The following KLHL14 variants were observed in gnomAD, a reference collection of about 807,000 sequenced individuals.
KLHL14 encodes kelch like family member 14.
Under a neutral mutation model 64.3 loss-of-function variants are expected in KLHL14, and 22 were observed. The observed-to-expected ratio is 0.34, with a 90% confidence interval of 0.24 to 0.49. The LOEUF (loss-of-function observed/expected upper bound fraction) is 0.49, where lower values mean the gene tolerates loss of function less well. Among genes scored for constraint, KLHL14 ranks in the 20% least tolerant of loss-of-function variants. KLHL14 has a pLI of 0.99. For synonymous variants in KLHL14, 322 were observed against 333.4 expected, an observed-to-expected ratio of 0.97 and a Z score of 0.37; for missense variants, 661 against 789.0, an observed-to-expected ratio of 0.84 and a Z score of 1.94.
intron 4 of KLHL14, among the ~76,000 whole-genome samples, chr18:32,688,947 G>T (rs1166244401): frequency 6.6e-6 from 1 of 152,162 alleles, no homozygotes; most frequent in African/African-American, 2.4e-5. Flanking sequence ...AATCTGTTGT[G>T]CAGGCATAGC....
chr18:32,698,145 A>G (rs2049945782), intron 3 of KLHL14, among the ~76,000 whole-genome samples: 1 of 152,244 alleles, frequency 6.6e-6, no homozygotes, highest in African/African-American at 2.4e-5. Context: ...AGCAAAATAA[A>G]TAGGGTAGTG....
chr18:32,687,324 G>C, intron 4 of KLHL14, 91 bp from the exon 5 acceptor site: 1 of 1,014,914 alleles, frequency 9.9e-7, no homozygotes. Flanking sequence ...CTATTCTCAG[G>C]TTTAACAAAT....
chr18:32,765,731 G>A (rs189150435), intron 2 of KLHL14, among the ~76,000 whole-genome samples: 2 of 152,024 alleles, frequency 1.3e-5, no homozygotes, highest in African/African-American at 4.8e-5. Context: ...CCAAAACCAG[G>A]AATCAAAACT....
intron 3 of KLHL14, among the ~76,000 whole-genome samples, chr18:32,722,174 A>G (rs1007119218): frequency 4.6e-5 from 7 of 152,168 alleles, no homozygotes; most frequent in Admixed American, 2.0e-4. Flanking sequence ...GAAACTGTGA[A>G]TTAATTAAAC....
At chr18:32,737,105 T>C (rs996215224) in intron 3 of KLHL14, among the ~76,000 whole-genome samples, 1 of 152,040 alleles carries the variant, frequency 6.6e-6, no homozygotes, top group Non-Finnish European at 1.5e-5. Context: ...AAGTACCTCA[T>C]TGTTTTCTGA....
At chr18:32,707,735 C>T (rs1026591691) in intron 3 of KLHL14, among the ~76,000 whole-genome samples, 1 of 152,206 alleles carries the variant, frequency 6.6e-6, no homozygotes, top group African/African-American at 2.4e-5. Context: ...TCCCATGTGA[C>T]TCCACAGGAG....
intron 5 of KLHL14, among the ~76,000 whole-genome samples, chr18:32,686,951 T>C (rs1023360930): frequency 3.3e-5 from 5 of 152,210 alleles, no homozygotes; most frequent in African/African-American, 1.2e-4. Context: ...TTTTTCTTCC[T>C]ACATTAGGAC....
At chr18:32,731,734 A>G (rs1471331794) in intron 3 of KLHL14, among the ~76,000 whole-genome samples, 1 of 151,838 alleles carries the variant, frequency 6.6e-6, no homozygotes, top group Non-Finnish European at 1.5e-5. Context: ...CTATATAAAT[A>G]ATTTATATAT....
chr18:32,691,758 A>C (rs769250970), intron 4 of KLHL14, among the ~76,000 whole-genome samples: 4 of 152,184 alleles, frequency 2.6e-5, no homozygotes, highest in Admixed American at 6.5e-5. Context: ...TGGCAGCCAT[A>C]TGCTATGAAA....
intron 2 of KLHL14, among the ~76,000 whole-genome samples, chr18:32,749,296 C>T (rs971635347): frequency 2.6e-5 from 4 of 152,150 alleles, no homozygotes; most frequent in African/African-American, 9.7e-5. Flanking sequence ...ATAATCATTA[C>T]CCCATCTTTC....
At chr18:32,675,769 A>G (rs968652798) in intron 8 of KLHL14, among the ~76,000 whole-genome samples, 2 of 152,156 alleles carry the variant, frequency 1.3e-5, no homozygotes, top group African/African-American at 4.8e-5. Context: ...AAAATGCCCC[A>G]ATGTCTGCTT....
intron 5 of KLHL14, among the ~76,000 whole-genome samples, chr18:32,682,884 A>T (rs1490805845): frequency 1.3e-5 from 2 of 152,128 alleles, no homozygotes; most frequent in East Asian, 1.9e-4. Context: ...ATGTGATTCT[A>T]GGGGCCTCTG....
chr18:32,679,697 A>T (rs1337749000), intron 7 of KLHL14, among the ~76,000 whole-genome samples: 4 of 152,166 alleles, frequency 2.6e-5, no homozygotes, highest in Non-Finnish European at 5.9e-5. Flanking sequence ...TTGAATTCTT[A>T]AAAAAATTCT....
rs2049854256 is a variant in KLHL14 at position 32,683,555 on chromosome 18, TAAGTTC to T, written c.1239-2962_1239-2957del. The stretch of plus-strand genomic sequence containing the variant: ...AGGCTATTTTATTTTGGGGGGAAAG[TAAGTTC>T]AAGATTATTAAAGATTTCTTATTGG... On this transcript the variant is annotated intron_variant, in intron 5 of 8. Transcript: ENST00000359358. The surrounding 1 kb of genome is among the most constrained non-coding windows in gnomAD (Gnocchi z 4.2). 6.6e-6 allele frequency among the ~76,000 whole-genome samples: 1 copy of T among 152,154 alleles called. No homozygotes were observed. Among genetic ancestry groups the T allele is most frequent in the African/African-American group, 2.4e-5 (1 of 41,430 alleles).
intron 3 of KLHL14, among the ~76,000 whole-genome samples, chr18:32,705,687 C>A (rs771665331): frequency 6.6e-5 from 10 of 152,236 alleles, no homozygotes; most frequent in Non-Finnish European, 1.0e-4. Flanking sequence ...CACACCACAG[C>A]ACTCTAGCCT....
rs2050324149 is a variant in KLHL14, at chr18:32,763,312, C to T, written c.947+6333G>A. Among the ~76,000 whole-genome samples the T allele has an allele frequency of 2.0e-5, 3 of 152,086 alleles. No homozygotes were observed. In the South Asian group the frequency reaches 6.2e-4, roughly 32 times the overall value. ...AGAATTCTGGCTTTCTAATGTCTTC[C>T]CCTCGTTCTTCATTGGTTGAGTGGC... On this transcript the variant is annotated intron_variant, in intron 2 of 8. Coordinates refer to ENST00000359358, the MANE Select transcript of KLHL14 (RefSeq NM_020805.3).
intron 3 of KLHL14, among the ~76,000 whole-genome samples, chr18:32,695,976 G>A (rs1238771230): frequency 6.6e-6 from 1 of 152,082 alleles, no homozygotes; most frequent in African/African-American, 2.4e-5. Context: ...GCCCAACGTG[G>A]TTTGCTGGCA....
At position 32,770,295 on chromosome 18, in the gene KLHL14, C is replaced by T. The variant is rs779288140; in HGVS notation, c.297G>A (p.Pro99=). ...QQQPSQQQQP[P]PQEEPGTPSS... ...AAGGAGTCCCGGGCTCCTCCTGCGG[C>T]GGCGGCTGCTGCTGCTGTGACGGCT... The change falls in exon 2 of 9, where the codon CCG becomes CCA. Residue 99 remains proline, a synonymous_variant. Coordinates refer to ENST00000359358, the MANE Select transcript of KLHL14 (RefSeq NM_020805.3). This position sits in a 1 kb window ranked among gnomAD's most constrained non-coding sequence, Gnocchi z 6.7. 69 of 1,586,764 alleles carry T rather than the reference C, an allele frequency of 4.3e-5. No homozygotes were observed. The highest frequency in any genetic ancestry group is 5.5e-5 in the Non-Finnish European group (64 of 1,166,362).
At chr18:32,695,301 T>C (rs772337981) in intron 4 of KLHL14, among the ~76,000 whole-genome samples, 162 bp downstream of exon 4, 5 of 152,150 alleles carry the variant, frequency 3.3e-5, no homozygotes, top group Non-Finnish European at 7.4e-5. Flanking sequence ...AGCTCAATGA[T>C]TGACCCTCTC....
Sources: allele counts gnomAD v4.1 joint callset (sites outside exome capture counted in the v4.1 genomes callset), GRCh38; gene constraint gnomAD v4.1.1; non-coding constraint Gnocchi (gnomAD v3.1); transcripts MANE v1.5; gene names NCBI Gene and HGNC (gene_info 2026-07-23, HGNC 2026-07-21).